ARHGAP24: variants seen among roughly 807,000 people sequenced by gnomAD.
ARHGAP24 encodes the protein rho GTPase-activating protein 24.
Under a neutral mutation model 76.4 loss-of-function variants are expected in ARHGAP24, and 50 were observed. The ratio of observed to expected loss-of-function variants is 0.65; its 90% CI spans 0.52 to 0.83. The LOEUF (loss-of-function observed/expected upper bound fraction) is 0.83, where lower values mean the gene tolerates loss of function less well. Among genes scored for constraint, ARHGAP24 ranks in the 40% least tolerant of loss-of-function variants. The probability of loss-of-function intolerance (pLI) is 0.00; values close to 1 mark genes in which losing one functional copy is unlikely to be tolerated. For missense variants in ARHGAP24, 930 were observed against 914.2 expected (o/e 1.02, Z -0.22); for synonymous variants, 345 against 323.3 (o/e 1.07, Z -0.72).
intron 2 of ARHGAP24, among the ~76,000 whole-genome samples, chr4:85,580,971 T>C (rs888800908): frequency 6.6e-6 from 1 of 152,190 alleles, no homozygotes; most frequent in South Asian, 2.1e-4. Context: ...TGTTATACTC[T>C]TATATTTTTG....
intron 3 of ARHGAP24, among the ~76,000 whole-genome samples, chr4:85,906,291 C>T (rs115795419): frequency 0.011 from 1,630 of 152,158 alleles, 23 homozygotes; most frequent in African/African-American, 0.037. Flanking sequence ...AATGAGGACA[C>T]CCATGTCATA....
At chr4:85,487,771 T>TATATTTATTATATATTATATAATAA (rs1370938633) in intron 1 of ARHGAP24, among the ~76,000 whole-genome samples, 5 of 108,000 alleles carry the variant, frequency 4.6e-5, no homozygotes, top group African/African-American at 1.9e-4. Context: ...TTATATAATA[T>TATATTTATTATATATTATATAATAA]ATATTTATTA....
intron 2 of ARHGAP24, among the ~76,000 whole-genome samples, chr4:85,630,856 CCTTA>C (rs749801920): frequency 3.2e-4 from 48 of 151,734 alleles, no homozygotes; most frequent in Non-Finnish European, 6.0e-4. Flanking sequence ...GAATGTTAGC[CCTTA>C]CTTGTTGATT....
chr4:85,897,769 G>C (rs1049422118), intron 3 of ARHGAP24, among the ~76,000 whole-genome samples: 1 of 151,666 alleles, frequency 6.6e-6, no homozygotes, highest in Non-Finnish European at 1.5e-5. Context: ...ATCTTCCCAG[G>C]TATTTCCAAT....
At chr4:85,695,721 T>G (rs887283842) in intron 2 of ARHGAP24, among the ~76,000 whole-genome samples, 2 of 152,214 alleles carry the variant, frequency 1.3e-5, no homozygotes, top group African/African-American at 4.8e-5. Context: ...GTTTTCAAAT[T>G]AACTAATATG....
At chr4:85,789,536 C>A (rs1284197443) in intron 3 of ARHGAP24, among the ~76,000 whole-genome samples, 1 of 152,052 alleles carries the variant, frequency 6.6e-6, no homozygotes. Flanking sequence ...TATAATAGAA[C>A]CAACATCTGA....
intron 3 of ARHGAP24, among the ~76,000 whole-genome samples, chr4:85,785,397 G>A (rs1229204446): frequency 1.3e-5 from 2 of 152,148 alleles, no homozygotes; most frequent in Non-Finnish European, 2.9e-5. Flanking sequence ...TGGCCCGATT[G>A]CAAGTGGTGG....
chr4:85,624,201 A>G (rs978922942), intron 2 of ARHGAP24, among the ~76,000 whole-genome samples: 1 of 152,206 alleles, frequency 6.6e-6, no homozygotes. Flanking sequence ...TTGCCCATTC[A>G]GTATGATATT....
chr4:85,564,397 G>T (rs528287504), intron 1 of ARHGAP24, among the ~76,000 whole-genome samples: 14 of 145,900 alleles, frequency 9.6e-5, no homozygotes, highest in Admixed American at 2.0e-4. Context: ...CTGTTGTGGG[G>T]TGGGGGGAGC....
Position 86,001,583 on chromosome 4 carries a change from AT to A in ARHGAP24, c.*863del. 1 of 396,202 alleles carries A rather than the reference AT, an allele frequency of 2.5e-6. No individual in the cohort carries two copies. Among genetic ancestry groups the A allele is most frequent in the Non-Finnish European group, 4.4e-6 (1 of 225,094 alleles). 24.5% of individuals were successfully genotyped at this position (396,202 alleles called of 1,614,324 possible). A position where few individuals can be genotyped will look rare whatever the true frequency, so the allele number is the denominator to read the frequency against. On this transcript the variant is annotated 3_prime_UTR_variant, in exon 10 of 10. Coordinates refer to ENST00000395184, the MANE Select transcript of ARHGAP24 (RefSeq NM_001025616.3). ...TTAACTGCTGGATAGTTTTAGAGGA[AT>A]TCTCCTGCTACTTAGGTACTGGGAA...
chr4:85,510,769 TCCTCCTCCTCCC>T (rs1441146382), intron 1 of ARHGAP24, among the ~76,000 whole-genome samples: 2 of 151,102 alleles, frequency 1.3e-5, no homozygotes, highest in African/African-American at 4.9e-5. Flanking sequence ...ACATTCCTCC[TCCTCCTCCTCCC>T]CCTCCTCTAG....
At chr4:85,822,614 T>A (rs79339949) in intron 3 of ARHGAP24, among the ~76,000 whole-genome samples, 2,377 of 152,310 alleles carry the variant, frequency 0.016, 64 homozygotes, top group African/African-American at 0.054. Flanking sequence ...TACGTGTTCA[T>A]GCAACACAAT....
At chr4:85,964,976 G>A (rs1738491317) in intron 5 of ARHGAP24, among the ~76,000 whole-genome samples, 1 of 152,094 alleles carries the variant, frequency 6.6e-6, no homozygotes, top group Non-Finnish European at 1.5e-5. Context: ...TTGAAAGGGA[G>A]GAGTCTCTAC....
intron 2 of ARHGAP24, among the ~76,000 whole-genome samples, chr4:85,592,414 G>A (rs1265244937): frequency 6.6e-6 from 1 of 151,916 alleles, no homozygotes; most frequent in Non-Finnish European, 1.5e-5. Context: ...AATAATTCTG[G>A]TGTAATAATT....
At chr4:85,890,042 A>G (rs1440246847) in intron 3 of ARHGAP24, among the ~76,000 whole-genome samples, 5 of 151,988 alleles carry the variant, frequency 3.3e-5, no homozygotes, top group Non-Finnish European at 7.4e-5. Context: ...CCTTCCCATC[A>G]TGCTGTCAGG....
intron 1 of ARHGAP24, among the ~76,000 whole-genome samples, chr4:85,510,623 C>T (rs1201527647): frequency 6.7e-6 from 1 of 150,188 alleles, no homozygotes; most frequent in East Asian, 2.0e-4. Context: ...CCCCTCCCTC[C>T]CCTGTCCTTC....
At chr4:85,616,188 A>G (rs73833370) in intron 2 of ARHGAP24, among the ~76,000 whole-genome samples, 8,215 of 152,264 alleles carry the variant, frequency 0.054, 715 homozygotes, top group African/African-American at 0.19. Context: ...GCATGAAACT[A>G]TATTAATCCA....
intron 2 of ARHGAP24, among the ~76,000 whole-genome samples, chr4:85,601,013 T>C (rs1297724406): frequency 2.0e-5 from 3 of 152,222 alleles, no homozygotes; most frequent in African/African-American, 7.2e-5. Flanking sequence ...CAAAAGAATA[T>C]ACTCAGTTTT....
intron 4 of ARHGAP24, among the ~76,000 whole-genome samples, chr4:85,931,450 G>T (rs1196779505): frequency 6.6e-6 from 1 of 152,124 alleles, no homozygotes; most frequent in Non-Finnish European, 1.5e-5. Context: ...ACCTTGTTTT[G>T]ATTCTGGCTG....
Sources: allele counts gnomAD v4.1 joint callset (sites outside exome capture counted in the v4.1 genomes callset), GRCh38; gene constraint gnomAD v4.1.1; transcripts MANE v1.5; gene names NCBI Gene and HGNC (gene_info 2026-07-23, HGNC 2026-07-21).